The following C9orf72 variants were observed in gnomAD, a reference collection of about 807,000 sequenced individuals.
C9orf72 encodes C9orf72-SMCR8 complex subunit.
In C9orf72, 44 loss-of-function variants were observed where a neutral mutation model predicts 51.6. The ratio of observed to expected loss-of-function variants is 0.85; its 90% CI spans 0.67 to 1.10. The LOEUF (loss-of-function observed/expected upper bound fraction) is 1.10. C9orf72 is among the 50% of genes least tolerant of loss of function. The pLI is 0.00. For synonymous variants in C9orf72, 213 were observed against 194.2 expected, an observed-to-expected ratio of 1.10 and a Z score of -0.81; for missense variants, 607 against 570.6, an observed-to-expected ratio of 1.06 and a Z score of -0.65.
At chr9:27,552,816 C>T (rs1268145911) in intron 8 of C9orf72, among the ~76,000 whole-genome samples, 2 of 152,108 alleles carry the variant, frequency 1.3e-5, no homozygotes, top group African/African-American at 4.8e-5. Context: ...AGGGATAAAG[C>T]CTACTTGATC....
In C9orf72 at chr9:27,561,729, G is replaced by A. The variant is rs146169735; in HGVS notation, c.601-80C>T. ...TAACACTTTTAATATACAAGTTTTC[G>A]GAAGTCTGGATTCAATATAACACAC... On this transcript the variant is annotated intron_variant, in intron 4 of 10. Coordinates refer to ENST00000380003, the MANE Select transcript of C9orf72 (RefSeq NM_018325.5). The A allele has an allele frequency of 1.3e-4, 111 of 878,368 alleles. No individual in the cohort carries two copies. In the African/African-American group the frequency reaches 1.4e-3, roughly 11 times the overall value. 54.4% of individuals were successfully genotyped at this position (878,368 alleles called of 1,614,324 possible).
At chr9:27,566,615 T>C in intron 2 of C9orf72, 62 bp downstream of exon 2, 1 of 1,139,458 alleles carries the variant, frequency 8.8e-7, no homozygotes. Flanking sequence ...GATTTATATG[T>C]ACCAGAAAAT....
At chr9:27,551,362 G>T (rs1820904736) in intron 8 of C9orf72, among the ~76,000 whole-genome samples, 1 of 152,216 alleles carries the variant, frequency 6.6e-6, no homozygotes, top group Non-Finnish European at 1.5e-5. Flanking sequence ...TATAGCAGGT[G>T]CTAAAGCAAA....
chr9:27,571,835 C>A (rs948877945), intron 1 of C9orf72, among the ~76,000 whole-genome samples: 1 of 152,330 alleles, frequency 6.6e-6, no homozygotes, highest in African/African-American at 2.4e-5. Flanking sequence ...CTTTCCACAA[C>A]AGGAGCTGCC....
intron 1 of C9orf72, among the ~76,000 whole-genome samples, chr9:27,572,773 C>G (rs1295472090): frequency 6.6e-6 from 1 of 152,174 alleles, no homozygotes; most frequent in East Asian, 1.9e-4. Flanking sequence ...TACCATCAGT[C>G]AAGTGATGCC....
At chr9:27,566,073 A>C (rs1819460623) in intron 2 of C9orf72, among the ~76,000 whole-genome samples, 2 of 152,188 alleles carry the variant, frequency 1.3e-5, no homozygotes, top group South Asian at 4.1e-4. Flanking sequence ...GGTTAGTATC[A>C]AACTGGAACA....
At chr9:27,555,134 C>T (rs1360818018) in intron 8 of C9orf72, among the ~76,000 whole-genome samples, 1 of 152,124 alleles carries the variant, frequency 6.6e-6, no homozygotes, top group African/African-American at 2.4e-5. Flanking sequence ...TTTCAAGGCA[C>T]AGATTAATTA....
chr9:27,571,969 G>C (rs768232223), intron 1 of C9orf72, among the ~76,000 whole-genome samples: 2 of 152,198 alleles, frequency 1.3e-5, no homozygotes, highest in Non-Finnish European at 2.9e-5. Flanking sequence ...ATTTCTCACA[G>C]TTCCAAGTTT....
chr9:27,564,871 T>C (rs1490275243), intron 3 of C9orf72, among the ~76,000 whole-genome samples: 6 of 152,120 alleles, frequency 3.9e-5, no homozygotes, highest in African/African-American at 1.4e-4. Flanking sequence ...AAAGAACTTC[T>C]CTGCTTTACA....
rs567070216 is a variant in C9orf72 at position 27,560,800 on chromosome 9, T to A, written c.666-501A>T. The A allele has an allele frequency of 4.9e-4, 474 of 967,118 alleles. No individual in the cohort carries two copies. In the African/African-American group the frequency reaches 7.6e-3, roughly 16 times the overall value. 59.9% of individuals were successfully genotyped at this position (967,118 alleles called of 1,614,324 possible). A position where few individuals can be genotyped will look rare whatever the true frequency, so the allele number is the denominator to read the frequency against. Reference sequence around the variant, plus strand: ...AAAGTGAATACTTTATACTTTTACTTCTCTTTTATTAAAAGTAAAATTTCA... The same window carrying A: ...AAAGTGAATACTTTATACTTTTACTACTCTTTTATTAAAAGTAAAATTTCA... On this transcript the variant is annotated intron_variant, in intron 5 of 10. Coordinates refer to ENST00000380003, the MANE Select transcript of C9orf72 (RefSeq NM_018325.5).
intron 3 of C9orf72, among the ~76,000 whole-genome samples, chr9:27,564,078 T>A (rs2131542493): frequency 6.9e-6 from 1 of 144,292 alleles, no homozygotes; most frequent in African/African-American, 2.6e-5. Context: ...GGTTTAAGCA[T>A]ACATAGTATT....
rs142658460 is a variant in C9orf72, at chr9:27,561,849, G to T, written c.601-200C>A. On this transcript the variant is annotated intron_variant, in intron 4 of 10. Transcript: ENST00000380003. Reference sequence around the variant, plus strand: ...ACAAATGTGAAAGCTGGTCAAGCAGGTTAAACAATTTTTACAAGAACAACT... The same window carrying T: ...ACAAATGTGAAAGCTGGTCAAGCAGTTTAAACAATTTTTACAAGAACAACT... Among the ~76,000 whole-genome samples, 664 of 152,196 alleles carry T rather than the reference G, an allele frequency of 4.4e-3. 2 individuals are homozygous for T. Among genetic ancestry groups the T allele is most frequent in the Non-Finnish European group, 7.0e-3 (475 of 67,978 alleles).
At chr9:27,566,625 T>C (rs1819471758) in intron 2 of C9orf72, 52 bp downstream of exon 2, 10 of 1,264,302 alleles carry the variant, frequency 7.9e-6, no homozygotes, top group Non-Finnish European at 6.6e-6. Flanking sequence ...TACCAGAAAA[T>C]AAGCTTTCAA....
intron 7 of C9orf72, among the ~76,000 whole-genome samples, chr9:27,557,464 G>T (rs1819231100): frequency 6.6e-6 from 1 of 152,064 alleles, no homozygotes; most frequent in Non-Finnish European, 1.5e-5. Context: ...TTTGTATAAT[G>T]TCAAAGGTAT....
At chr9:27,569,398 G>A (rs111630075) in intron 1 of C9orf72, among the ~76,000 whole-genome samples, 3,361 of 152,210 alleles carry the variant, frequency 0.022, 57 homozygotes, top group Middle Eastern at 0.048. Flanking sequence ...AGCTCCATTC[G>A]TGGTAAGTGG....
At position 27,556,132 on chromosome 9, in the gene C9orf72, G is replaced by T. The variant is rs552267731; in HGVS notation, c.1091+429C>A. 1.7e-3 allele frequency among the ~76,000 whole-genome samples: 256 copies of T among 150,354 alleles called. 2 individuals are homozygous for T. Among genetic ancestry groups the T allele is most frequent in the Non-Finnish European group, 2.9e-3 (197 of 67,688 alleles). ...TCCATTAATATATTTTAACAGTTTT[G>T]CTGTATTTTATATTCATATGTCAAG... On this transcript the variant is annotated intron_variant, in intron 8 of 10. Coordinates refer to ENST00000380003, the MANE Select transcript of C9orf72 (RefSeq NM_018325.5).
intron 8 of C9orf72, among the ~76,000 whole-genome samples, chr9:27,553,605 A>C (rs1460648221): frequency 6.6e-6 from 1 of 152,124 alleles, no homozygotes; most frequent in Non-Finnish European, 1.5e-5. Context: ...AATTGTAAAA[A>C]CCCTGGAAGA....
At position 27,546,956 on chromosome 9, in the gene C9orf72, A is replaced by G. The variant is rs1281743737; in HGVS notation, c.*1280T>C. 3 of 152,216 alleles carry G rather than the reference A, an allele frequency of 2.0e-5. No homozygotes were observed. Among genetic ancestry groups the G allele is most frequent in the African/African-American group, 7.2e-5 (3 of 41,444 alleles). 9.4% of individuals were successfully genotyped at this position (152,216 alleles called of 1,614,324 possible). ...TTACCTTTATCCCTTTCTTATAAAT[A>G]TATTTTCCCTTTTATATTACTTCCA... On this transcript the variant is annotated 3_prime_UTR_variant, in exon 11 of 11. Coordinates refer to ENST00000380003, the MANE Select transcript of C9orf72 (RefSeq NM_018325.5).
At chr9:27,548,791 C>A in intron 9 of C9orf72, 125 bp from the exon 10 acceptor site, 1 of 593,534 alleles carries the variant, frequency 1.7e-6, no homozygotes, top group Non-Finnish European at 3.0e-6. Flanking sequence ...ACCATTTCCA[C>A]TGATGCCCCC....
Sources: allele counts gnomAD v4.1 joint callset (sites outside exome capture counted in the v4.1 genomes callset), GRCh38; gene constraint gnomAD v4.1.1; transcripts MANE v1.5; gene names NCBI Gene and HGNC (gene_info 2026-07-23, HGNC 2026-07-21).